Variants in ARMH3 observed in about 807,000 individuals in gnomAD.
ARMH3 encodes armadillo like helical domain containing 3, also known as armadillo-like helical domain-containing protein 3.
Under a neutral mutation model 99.1 loss-of-function variants are expected in ARMH3, and 60 were observed. The ratio of observed to expected loss-of-function variants is 0.61; its 90% CI spans 0.49 to 0.75. ARMH3 has a LOEUF of 0.75. ARMH3 is among the 30% of genes least tolerant of loss of function. ARMH3 has a pLI of 0.00. For synonymous variants in ARMH3, 285 were observed against 292.8 expected, an observed-to-expected ratio of 0.97 and a Z score of 0.27; for missense variants, 679 against 843.1, an observed-to-expected ratio of 0.81 and a Z score of 2.41.
intron 4 of ARMH3, among the ~76,000 whole-genome samples, chr10:102,032,212 T>C (rs1210685533): frequency 6.6e-6 from 1 of 152,186 alleles, no homozygotes; most frequent in Admixed American, 6.5e-5. Flanking sequence ...AGTATTCTAC[T>C]CACTGGAAAC....
At chr10:101,983,252 G>C (rs762153004) in intron 19 of ARMH3, among the ~76,000 whole-genome samples, 5 of 152,190 alleles carry the variant, frequency 3.3e-5, no homozygotes, top group African/African-American at 9.7e-5. Flanking sequence ...TGAAGGTTAA[G>C]TTGATTACCA....
chr10:101,987,032 T>C (rs992509777), intron 19 of ARMH3, among the ~76,000 whole-genome samples: 3 of 152,286 alleles, frequency 2.0e-5, no homozygotes, highest in East Asian at 1.9e-4. Flanking sequence ...GTTAGAACAT[T>C]TGGGTAGACC....
At chr10:102,032,726 T>C (rs2067160143) in intron 4 of ARMH3, among the ~76,000 whole-genome samples, 1 of 152,126 alleles carries the variant, frequency 6.6e-6, no homozygotes, top group Non-Finnish European at 1.5e-5. Context: ...TAAAGACTAA[T>C]CATTCTTGCC....
intron 23 of ARMH3, among the ~76,000 whole-genome samples, chr10:101,929,795 G>A (rs1843645473): frequency 6.6e-6 from 1 of 152,140 alleles, no homozygotes; most frequent in South Asian, 2.1e-4. Context: ...AAATGAGATA[G>A]CAATACCTCT....
intron 20 of ARMH3, among the ~76,000 whole-genome samples, chr10:101,964,866 A>T (rs1247170832): frequency 6.6e-6 from 1 of 151,082 alleles, no homozygotes; most frequent in African/African-American, 2.4e-5. Context: ...AAAAAAAATT[A>T]GCCTGGCATG....
At chr10:101,984,595 C>A (rs1846377398) in intron 19 of ARMH3, among the ~76,000 whole-genome samples, 1 of 152,030 alleles carries the variant, frequency 6.6e-6, no homozygotes, top group South Asian at 2.1e-4. Flanking sequence ...CAATGAGATG[C>A]GACCTACATC....
At chr10:101,857,348 C>T (rs1425783535) in intron 24 of ARMH3, among the ~76,000 whole-genome samples, 3 of 152,110 alleles carry the variant, frequency 2.0e-5, no homozygotes, top group Non-Finnish European at 4.4e-5. Context: ...ATCCCAGCTA[C>T]TCGGGAAGCT....
At chr10:101,934,028 AC>A (rs1025590267) in intron 23 of ARMH3, among the ~76,000 whole-genome samples, 1 of 152,150 alleles carries the variant, frequency 6.6e-6, no homozygotes, top group Non-Finnish European at 1.5e-5. Context: ...AGTTGGGGAG[AC>A]CTCACATCCC....
chr10:102,023,995 T>G (rs2066944960), intron 6 of ARMH3, among the ~76,000 whole-genome samples: 1 of 152,184 alleles, frequency 6.6e-6, no homozygotes, highest in African/African-American at 2.4e-5. Flanking sequence ...TCCTCACACA[T>G]GCATTCGCTT....
At chr10:101,941,026 G>A (rs1308907531) in intron 22 of ARMH3, among the ~76,000 whole-genome samples, 1 of 152,168 alleles carries the variant, frequency 6.6e-6, no homozygotes, top group Non-Finnish European at 1.5e-5. Flanking sequence ...GACCAACTTA[G>A]GTTATATGTA....
rs181436569 is a variant in ARMH3 at position 101,864,052 on chromosome 10, C to A, written c.1861-14160G>T. On this transcript the variant is annotated intron_variant, in intron 24 of 25. Coordinates refer to ENST00000370033, the MANE Select transcript of ARMH3 (RefSeq NM_024541.3). ...CTCCAGCCTGGGCAACAGAGCAAGA[C>A]TCCATCTCAAAAAAAAAAAAAAAAA... 5.6e-5 allele frequency among the ~76,000 whole-genome samples: 6 copies of A among 107,980 alleles called. No individual in the cohort carries two copies. In the East Asian group the frequency reaches 1.6e-3, roughly 30 times the overall value. The allele number at this position is 107,980 out of a possible 152,430, so 70.8% of individuals were successfully genotyped here.
Position 102,014,034 on chromosome 10 carries a change from AAG to A in ARMH3, c.670-12_670-11del. 1.2e-6 allele frequency: 2 copies of A among 1,604,794 alleles called. No individual in the cohort carries two copies. The highest frequency in any genetic ancestry group is 1.7e-6 in the Non-Finnish European group (2 of 1,175,110). ...TATAAGGATTCACAGACTGTTAAAT[AAG>A]AGAAGAGACTCCAGGTAAGTCTGAC... On this transcript the variant is annotated splice_polypyrimidine_tract_variant and intron_variant, in intron 8 of 25. Transcript: ENST00000370033.
intron 23 of ARMH3, among the ~76,000 whole-genome samples, chr10:101,927,300 A>G (rs1200512153): frequency 2.0e-5 from 3 of 152,254 alleles, no homozygotes; most frequent in Admixed American, 6.5e-5. Flanking sequence ...CTGTCTAAAT[A>G]CATATTTACA....
chr10:101,868,009 G>C (rs1248809471), intron 24 of ARMH3, among the ~76,000 whole-genome samples: 1 of 151,558 alleles, frequency 6.6e-6, no homozygotes, highest in Non-Finnish European at 1.5e-5. Flanking sequence ...AAAAAGCCAT[G>C]AAAGTCATCA....
intron 5 of ARMH3, among the ~76,000 whole-genome samples, chr10:102,026,066 C>A (rs577369664): frequency 6.6e-6 from 1 of 152,176 alleles, no homozygotes; most frequent in South Asian, 2.1e-4. Flanking sequence ...AGCTAACTTG[C>A]GTCCATCCTG....
chr10:102,012,744 G>A, intron 10 of ARMH3, 89 bp downstream of exon 10: 1 of 1,280,706 alleles, frequency 7.8e-7, no homozygotes, highest in Non-Finnish European at 1.1e-6. Flanking sequence ...GACTAGGTAA[G>A]GGAATTTGAC....
chr10:102,010,378 T>C (rs2066604979), intron 11 of ARMH3, among the ~76,000 whole-genome samples: 1 of 152,226 alleles, frequency 6.6e-6, no homozygotes, highest in African/African-American at 2.4e-5. Context: ...TCACTCTGTA[T>C]CTTTCCTAGA....
At chr10:101,984,552 C>T (rs993095121) in intron 19 of ARMH3, among the ~76,000 whole-genome samples, 1 of 152,040 alleles carries the variant, frequency 6.6e-6, no homozygotes. Flanking sequence ...TTTGATAACG[C>T]CATCCCACCA....
chr10:101,981,494 C>G (rs563455448), intron 19 of ARMH3, among the ~76,000 whole-genome samples: 5 of 152,244 alleles, frequency 3.3e-5, no homozygotes, highest in South Asian at 4.1e-4. Flanking sequence ...TAACAACGTA[C>G]CAAGGATACA....
Sources: allele counts gnomAD v4.1 joint callset (sites outside exome capture counted in the v4.1 genomes callset), GRCh38; gene constraint gnomAD v4.1.1; transcripts MANE v1.5; gene names NCBI Gene and HGNC (gene_info 2026-07-23, HGNC 2026-07-21).